LMBR1: variants seen among roughly 807,000 people sequenced by gnomAD.
LMBR1 encodes limb development membrane protein 1.
Under a neutral mutation model 73.9 loss-of-function variants are expected in LMBR1, and 52 were observed. The ratio of observed to expected loss-of-function variants is 0.70; its 90% CI spans 0.56 to 0.89. The LOEUF (loss-of-function observed/expected upper bound fraction) is 0.89, where lower values mean the gene tolerates loss of function less well. Ranked by LOEUF, LMBR1 falls within the 40% of genes least tolerant of loss-of-function variation. The pLI, the probability that LMBR1 is intolerant of heterozygous loss-of-function variation, is 0.00. For missense variants in LMBR1, 539 were observed against 579.8 expected (o/e 0.93, Z 0.72); for synonymous variants, 215 against 209.4 (o/e 1.03, Z -0.23).
At chr7:156,762,976 G>A in intron 7 of LMBR1, 132 bp downstream of exon 7, 1 of 549,964 alleles carries the variant, frequency 1.8e-6, no homozygotes, top group Non-Finnish European at 3.3e-6. Flanking sequence ...AATTTATTTT[G>A]AATAAAAATA....
At position 156,893,156 on chromosome 7, in the gene LMBR1, C is replaced by T. The variant is rs1803492500; in HGVS notation, c.-163G>A. The stretch of plus-strand genomic sequence containing the variant: ...GCGACCACGACACCGGCCGTCGCCT[C>T]AGCAGCCTCAGACGAGCAGCTCTGA... On this transcript the variant is annotated 5_prime_UTR_variant, in exon 1 of 17. Coordinates refer to ENST00000353442, the MANE Select transcript of LMBR1 (RefSeq NM_022458.4). 2 of 569,394 alleles carry T rather than the reference C, an allele frequency of 3.5e-6. No homozygotes were observed. The highest frequency in any genetic ancestry group is 5.3e-6 in the Non-Finnish European group (2 of 376,144). 35.3% of individuals were successfully genotyped at this position (569,394 alleles called of 1,614,324 possible).
At chr7:156,708,303 C>CA (rs1442419696) in intron 15 of LMBR1, among the ~76,000 whole-genome samples, 4 of 152,146 alleles carry the variant, frequency 2.6e-5, no homozygotes, top group South Asian at 2.1e-4. Context: ...GAGACACAGG[C>CA]AAAAAACTGA....
intron 5 of LMBR1, among the ~76,000 whole-genome samples, chr7:156,777,685 A>C (rs1054215640): frequency 2.6e-5 from 4 of 152,224 alleles, no homozygotes; most frequent in South Asian, 4.1e-4. Flanking sequence ...TCCAAATCTT[A>C]CTGCTGTGGC....
At chr7:156,721,280 T>C (rs980060223) in intron 15 of LMBR1, among the ~76,000 whole-genome samples, 1 of 152,104 alleles carries the variant, frequency 6.6e-6, no homozygotes, top group Non-Finnish European at 1.5e-5. Context: ...TGAGAAAAAT[T>C]TTCCTCTTTA....
chr7:156,725,324 TACAA>T lies in LMBR1; in HGVS notation c.1158+107_1158+110del, dbSNP rs1815506699. Reference sequence around the variant, plus strand: ...TCTTCCAGTTTGTGTTTACGCAACTTACAAACAAATACCTATCACTGCAAATGAA... The same window carrying T: ...TCTTCCAGTTTGTGTTTACGCAACTTACAAATACCTATCACTGCAAATGAA... On this transcript the variant is annotated intron_variant, in intron 14 of 16. Coordinates refer to ENST00000353442, the MANE Select transcript of LMBR1 (RefSeq NM_022458.4). 4 of 648,568 alleles carry T rather than the reference TACAA, an allele frequency of 6.2e-6. No individual in the cohort carries two copies. In the Admixed American group the frequency reaches 8.0e-5, roughly 13 times the overall value. 40.2% of individuals were successfully genotyped at this position (648,568 alleles called of 1,614,324 possible).
chr7:156,684,158 G>A lies in LMBR1; in HGVS notation c.1393C>T (p.His465Tyr). The A allele has an allele frequency of 6.2e-7, 1 of 1,613,544 alleles. No individual in the cohort carries two copies. The highest frequency in any genetic ancestry group is 8.5e-7 in the Non-Finnish European group (1 of 1,179,522). The change falls in exon 17 of 17, where the codon CAT becomes TAT. Residue 465 changes from histidine (H) to tyrosine (Y), a missense_variant. Physicochemically the swap from His to Tyr is moderately conservative, Grantham distance 83. Around this residue, in one of 3 missense-constraint regions of LMBR1, gnomAD observed 69 missense variants for 68.5 expected, o/e 1.01. Coordinates refer to ENST00000353442, the MANE Select transcript of LMBR1 (RefSeq NM_022458.4). The stretch of plus-strand genomic sequence containing the variant: ...GAAGTATTTGGTAAGTGAAGTTTAT[G>A]AAGCCCTGCAAAAAAATTAAGAAAA... ...REELFKALGL[H>Y]KLHLPNTSRD...
intron 3 of LMBR1, among the ~76,000 whole-genome samples, chr7:156,827,876 A>T (rs73166182): frequency 0.039 from 5,994 of 152,326 alleles, 174 homozygotes; most frequent in Non-Finnish European, 0.049. Context: ...AAATTTTAAA[A>T]TACAGACCAT....
chr7:156,886,826 A>G (rs1010151441), intron 1 of LMBR1, among the ~76,000 whole-genome samples: 8 of 152,208 alleles, frequency 5.3e-5, no homozygotes, highest in Non-Finnish European at 1.2e-4. Flanking sequence ...TATTGCCACA[A>G]AGAGTCTGTT....
chr7:156,846,492 T>C (rs1321870493), intron 1 of LMBR1, among the ~76,000 whole-genome samples: 1 of 152,126 alleles, frequency 6.6e-6, no homozygotes, highest in Non-Finnish European at 1.5e-5. Context: ...TATCAAAATA[T>C]GTACAGAATC....
rs552684585 is a variant in LMBR1 at position 156,829,778 on chromosome 7, C to T, written c.180-3034G>A. 3.9e-5 allele frequency among the ~76,000 whole-genome samples: 6 copies of T among 152,294 alleles called. No individual in the cohort carries two copies. In the East Asian group the frequency reaches 1.2e-3, roughly 29 times the overall value. On this transcript the variant is annotated intron_variant, in intron 3 of 16. Coordinates refer to ENST00000353442, the MANE Select transcript of LMBR1 (RefSeq NM_022458.4). ...ACTTACCACCTGATAAAGCTATCAACAGACACAATTATTCTCCTATCTGTC... is the reference window on the plus strand; with the variant it reads ...ACTTACCACCTGATAAAGCTATCAATAGACACAATTATTCTCCTATCTGTC...
chr7:156,760,684 C>A (rs141875990), intron 8 of LMBR1, among the ~76,000 whole-genome samples: 199 of 152,200 alleles, frequency 1.3e-3, no homozygotes, highest in African/African-American at 4.7e-3. Flanking sequence ...AGTGTGTATA[C>A]AACATTTACA....
intron 1 of LMBR1, among the ~76,000 whole-genome samples, chr7:156,879,871 G>C (rs909227058): frequency 1.3e-5 from 2 of 152,216 alleles, no homozygotes; most frequent in African/African-American, 4.8e-5. Flanking sequence ...TATGGATGCA[G>C]TGAAAAGGGA....
intron 4 of LMBR1, among the ~76,000 whole-genome samples, chr7:156,820,960 G>A (rs901195817): frequency 6.6e-6 from 1 of 152,164 alleles, no homozygotes; most frequent in East Asian, 1.9e-4. Flanking sequence ...CAGGCCCTTA[G>A]GATGTTGGGG....
intron 1 of LMBR1, among the ~76,000 whole-genome samples, chr7:156,842,118 C>T (rs896151194): frequency 3.3e-5 from 5 of 150,732 alleles, no homozygotes; most frequent in African/African-American, 7.3e-5. Flanking sequence ...CATCTATTTC[C>T]TCAGTGCAAC....
chr7:156,818,965 A>G (rs550180061), intron 4 of LMBR1, among the ~76,000 whole-genome samples: 1 of 152,314 alleles, frequency 6.6e-6, no homozygotes, highest in South Asian at 2.1e-4. Context: ...ACACTGTGTG[A>G]ATGACAGAAC....
rs1461596651 is a variant in LMBR1 at position 156,678,201 on chromosome 7, AGTACTTTACTGACACAG to A, written c.*5860_*5876del. On this transcript the variant is annotated 3_prime_UTR_variant, in exon 17 of 17. Coordinates refer to ENST00000353442, the MANE Select transcript of LMBR1 (RefSeq NM_022458.4). ...ATCTCTATTCTTTGCAACCAAGTGC[AGTACTTTACTGACACAG>A]GAACTAGTGTTAGTTGCAGGCAACA... 1.3e-5 allele frequency: 2 copies of A among 152,274 alleles called. No homozygotes were observed. Among genetic ancestry groups the A allele is most frequent in the Non-Finnish European group, 2.9e-5 (2 of 68,058 alleles). 9.4% of individuals were successfully genotyped at this position (152,274 alleles called of 1,614,324 possible).
intron 5 of LMBR1, among the ~76,000 whole-genome samples, chr7:156,789,693 G>A (rs1828854639): frequency 6.6e-6 from 1 of 152,134 alleles, no homozygotes; most frequent in Non-Finnish European, 1.5e-5. Flanking sequence ...TAGCCTCTCT[G>A]GTGAGCTCTT....
chr7:156,740,844 A>T (rs2132585071), intron 9 of LMBR1, among the ~76,000 whole-genome samples: 1 of 152,330 alleles, frequency 6.6e-6, no homozygotes, highest in East Asian at 1.9e-4. Context: ...AACACAGAAA[A>T]ACACAGAATA....
At chr7:156,850,140 T>C (rs1796042454) in intron 1 of LMBR1, among the ~76,000 whole-genome samples, 1 of 152,218 alleles carries the variant, frequency 6.6e-6, no homozygotes, top group South Asian at 2.1e-4. Context: ...ATGAGGATTC[T>C]ATCCTCATAA....
Sources: allele counts gnomAD v4.1 joint callset (sites outside exome capture counted in the v4.1 genomes callset), GRCh38; gene constraint gnomAD v4.1.1; regional missense constraint gnomAD v4.1.1; transcripts MANE v1.5; gene names NCBI Gene and HGNC (gene_info 2026-07-23, HGNC 2026-07-21).